Variants in STAT3 observed in about 807,000 individuals in gnomAD.
The protein encoded by STAT3 is signal transducer and activator of transcription 3.
In STAT3, 7 loss-of-function variants were observed where a neutral mutation model predicts 114.3. The ratio of observed to expected loss-of-function variants is 0.06; its 90% CI spans 0.03 to 0.11. The LOEUF (loss-of-function observed/expected upper bound fraction) is 0.11. Ranked by LOEUF, STAT3 falls within the 10% of genes least tolerant of loss-of-function variation. STAT3 has a pLI of 1.00. For missense variants in STAT3, 364 were observed against 960.9 expected, an observed-to-expected ratio of 0.38 and a Z score of 8.21; for synonymous variants, 331 against 354.5, an observed-to-expected ratio of 0.93 and a Z score of 0.74.
intron 21 of STAT3, among the ~76,000 whole-genome samples, chr17:42,320,678 G>A (rs1449639388): frequency 4.1e-5 from 6 of 147,022 alleles, no homozygotes; most frequent in African/African-American, 1.5e-4. Flanking sequence ...GCAGTGAGCC[G>A]AGATGGTGCC....
chr17:42,317,325 A>G (rs1321263347), intron 21 of STAT3, 101 bp from the exon 22 acceptor site: 1 of 1,332,908 alleles, frequency 7.5e-7, no homozygotes, highest in East Asian at 2.4e-5. Context: ...TTTGAAACTC[A>G]CTCATCCTCA....
At chr17:42,355,774 T>C (rs2083195683) in intron 1 of STAT3, among the ~76,000 whole-genome samples, 1 of 152,158 alleles carries the variant, frequency 6.6e-6, no homozygotes, top group Admixed American at 6.5e-5. Flanking sequence ...CCAAAAGATA[T>C]ATTGAGAAAC....
chr17:42,339,434 A>T (rs367638843), intron 4 of STAT3, 25 bp from the exon 5 acceptor site: 130 of 1,609,372 alleles, frequency 8.1e-5, no homozygotes, highest in Non-Finnish European at 1.1e-4. Flanking sequence ...GTCAATGCAC[A>T]TGTGAACACA....
Position 42,324,196 on chromosome 17 carries a change from G to A in STAT3, c.1600+515C>T, listed in dbSNP as rs2081602813. Among the ~76,000 whole-genome samples the A allele has an allele frequency of 1.3e-5, 2 of 152,176 alleles. No individual in the cohort carries two copies. Among genetic ancestry groups the A allele is most frequent in the South Asian group, 4.2e-4 (2 of 4,818 alleles). On this transcript the variant is annotated intron_variant, in intron 17 of 23. Transcript: ENST00000264657. The surrounding 1 kb of genome is among the most constrained non-coding windows in gnomAD (Gnocchi z 4.5). ...TAGCTGGGCGTGGTGGTGAGCACCT[G>A]TAGTCTCAGCTACTCGGGAGGCCGA...
intron 12 of STAT3, 31 bp from the exon 13 acceptor site, chr17:42,329,678 G>A (rs1285781623): frequency 3.7e-6 from 6 of 1,614,028 alleles, no homozygotes; most frequent in Non-Finnish European, 4.2e-6. Context: ...CAACTATGTA[G>A]GTGACCAAGT....
intron 1 of STAT3, among the ~76,000 whole-genome samples, chr17:42,372,742 G>A (rs1025575456): frequency 1.9e-4 from 29 of 152,098 alleles, no homozygotes; most frequent in Non-Finnish European, 2.6e-4. Flanking sequence ...AACACTTTGG[G>A]AGACTGAGGC....
At chr17:42,373,593 A>T (rs1169190655) in intron 1 of STAT3, among the ~76,000 whole-genome samples, 3 of 151,884 alleles carry the variant, frequency 2.0e-5, no homozygotes, top group Non-Finnish European at 4.4e-5. Flanking sequence ...ATTAATTTTT[A>T]AAATATATTA....
At chr17:42,376,054 G>A (rs1295954069) in intron 1 of STAT3, among the ~76,000 whole-genome samples, 2 of 151,896 alleles carry the variant, frequency 1.3e-5, no homozygotes, top group African/African-American at 4.8e-5. Flanking sequence ...GGGAGGCTGA[G>A]GCAGGAGAAT....
chr17:42,372,811 C>T (rs530204533), intron 1 of STAT3, among the ~76,000 whole-genome samples: 3 of 151,944 alleles, frequency 2.0e-5, no homozygotes, highest in Non-Finnish European at 4.4e-5. Context: ...GATGCCACTG[C>T]AACCTGGCCT....
At chr17:42,327,829 C>T (rs983914662) in intron 14 of STAT3, among the ~76,000 whole-genome samples, 7 of 152,014 alleles carry the variant, frequency 4.6e-5, no homozygotes, top group African/African-American at 1.7e-4. Context: ...GGGTGGATCA[C>T]GAGGTCAGGA....
Position 42,315,804 on chromosome 17 carries a change from G to A in STAT3, c.2258-4C>T. The A allele has an allele frequency of 6.2e-7, 1 of 1,614,086 alleles. No individual in the cohort carries two copies. The highest frequency in any genetic ancestry group is 1.1e-5 in the South Asian group (1 of 91,072). On this transcript the variant is annotated splice_polypyrimidine_tract_variant and splice_region_variant and intron_variant, in intron 23 of 23. Coordinates refer to ENST00000264657, the MANE Select transcript of STAT3 (RefSeq NM_139276.3). ...TCCATGTCAAAGGTGAGGGACTCTG[G>A]AGGGACAGACAGGGAAAACTAGTTC...
intron 1 of STAT3, among the ~76,000 whole-genome samples, chr17:42,383,336 C>T (rs888886402): frequency 2.6e-5 from 4 of 151,366 alleles, no homozygotes; most frequent in African/African-American, 9.7e-5. Context: ...GGATTACAGG[C>T]ATCAGCCACC....
At position 42,365,698 on chromosome 17, in the gene STAT3, C is replaced by T. The variant is rs146170568; in HGVS notation, c.-23-17159G>A. On this transcript the variant is annotated intron_variant, in intron 1 of 23. Transcript: ENST00000264657. ...TGAGACGGAGTCTTGCTCTGTTGCC[C>T]AGGATGGAGTGCAGTGGCGTGATCT... Among the ~76,000 whole-genome samples the T allele has an allele frequency of 8.1e-3, 1,211 of 150,138 alleles. 7 individuals are homozygous for T. Among genetic ancestry groups the T allele is most frequent in the Non-Finnish European group, 0.012 (794 of 67,634 alleles).
At position 42,317,134 on chromosome 17, in the gene STAT3, CTG is replaced by C. The variant is rs1279773038; in HGVS notation, c.2144+46_2144+47del. On this transcript the variant is annotated intron_variant, in intron 22 of 23. Transcript: ENST00000264657. The stretch of plus-strand genomic sequence containing the variant: ...CCCAGTGTCCCATTCCCAGGGATAA[CTG>C]AGGATATTAGAAATGAAGGCAAAAC... 4 of 1,612,900 alleles carry C rather than the reference CTG, an allele frequency of 2.5e-6. No homozygotes were observed. Among genetic ancestry groups the C allele is most frequent in the Non-Finnish European group, 3.4e-6 (4 of 1,179,512 alleles).
chr17:42,369,918 C>T (rs1391149333), intron 1 of STAT3, among the ~76,000 whole-genome samples: 3 of 151,678 alleles, frequency 2.0e-5, no homozygotes, highest in Non-Finnish European at 4.4e-5. Flanking sequence ...CTCAGCCTCC[C>T]AAAACATTGG....
intron 1 of STAT3, among the ~76,000 whole-genome samples, chr17:42,351,626 T>C (rs925372140): frequency 1.3e-5 from 2 of 152,146 alleles, no homozygotes; most frequent in Non-Finnish European, 2.9e-5. Context: ...TCCAAGGTAT[T>C]TTCCCTCCTC....
At chr17:42,352,269 G>A (rs921764403) in intron 1 of STAT3, among the ~76,000 whole-genome samples, 2 of 151,926 alleles carry the variant, frequency 1.3e-5, no homozygotes, top group African/African-American at 4.8e-5. Flanking sequence ...AACCCGGGAG[G>A]TGGAGGTTGT....
Position 42,314,527 on chromosome 17 carries a change from T to C in STAT3, c.*1218A>G. 1 of 232,584 alleles carries C rather than the reference T, an allele frequency of 4.3e-6. No homozygotes were observed. Among genetic ancestry groups the C allele is most frequent in the African/African-American group, 2.2e-5 (1 of 45,316 alleles). The allele number at this position is 232,584 out of a possible 1,614,324, so 14.4% of individuals were successfully genotyped here. A position where few individuals can be genotyped will look rare whatever the true frequency, so the allele number is the denominator to read the frequency against. On this transcript the variant is annotated 3_prime_UTR_variant, in exon 24 of 24. Transcript: ENST00000264657. ...GCCAGAATCAGAAGTATCCCAGCCC[T>C]GATAAGGCACCCACAGAAACAACCT...
intron 2 of STAT3, 102 bp downstream of exon 2, chr17:42,348,287 A>G: frequency 6.5e-7 from 1 of 1,528,298 alleles, no homozygotes; most frequent in Non-Finnish European, 9.0e-7. Context: ...ACCTGTACCC[A>G]TACATTTTTT....
Sources: allele counts gnomAD v4.1 joint callset (sites outside exome capture counted in the v4.1 genomes callset), GRCh38; gene constraint gnomAD v4.1.1; non-coding constraint Gnocchi (gnomAD v3.1); transcripts MANE v1.5; gene names NCBI Gene and HGNC (gene_info 2026-07-23, HGNC 2026-07-21).